Variants in URM1 observed in about 807,000 individuals in gnomAD.
URM1 encodes ubiquitin-related modifier 1.
Under a neutral mutation model 17.7 loss-of-function variants are expected in URM1, and 11 were observed. The ratio of observed to expected loss-of-function variants is 0.62; its 90% confidence interval spans 0.39 to 1.03. The LOEUF (loss-of-function observed/expected upper bound fraction) is 1.03, where lower values mean the gene tolerates loss of function less well. URM1 is among the 50% of genes least tolerant of loss of function. The pLI is 0.00. For synonymous variants in URM1, 48 were observed against 50.6 expected (o/e 0.95, Z 0.22); for missense variants, 128 against 129.2 (o/e 0.99, Z 0.04).
intron 2 of URM1, among the ~76,000 whole-genome samples, chr9:128,378,542 C>CAA (rs58676800): frequency 0.022 from 506 of 22,976 alleles, 47 homozygotes; most frequent in Middle Eastern, 0.045. Context: ...GACTCCATCT[C>CAA]AAAAAAAAAA....
chr9:128,380,333 G>C (rs1414115899), intron 2 of URM1, among the ~76,000 whole-genome samples: 1 of 152,112 alleles, frequency 6.6e-6, no homozygotes, highest in African/African-American at 2.4e-5. Context: ...GCTGGGGGGG[G>C]GACACTTACT....
intron 4 of URM1, 115 bp downstream of exon 4, chr9:128,389,424 T>G (rs769051492): frequency 1.9e-6 from 3 of 1,597,630 alleles, no homozygotes; most frequent in Non-Finnish European, 2.6e-6. Context: ...TCCGCCCCAC[T>G]CCAGCCCCAC....
rs542986107 is a variant in URM1, at chr9:128,387,423, C to T, written c.107-393C>T. Among the ~76,000 whole-genome samples the T allele has an allele frequency of 6.6e-6, 1 of 152,212 alleles. No individual in the cohort carries two copies. The highest frequency in any genetic ancestry group is 2.4e-5 in the African/African-American group (1 of 41,446). ...GCTGGAGAGATAAAGGTGGAGGGGG[C>T]TCTTCAAGGTCCTCTCAGAAGTCCA... is the stretch of plus-strand genomic sequence containing the variant. On this transcript the variant is annotated intron_variant, in intron 2 of 4. Transcript: ENST00000372853. This position sits in a 1 kb window ranked among gnomAD's most constrained non-coding sequence, Gnocchi z 4.3.
chr9:128,388,066 C>G, intron 3 of URM1, 169 bp downstream of exon 3: 21 of 1,360,200 alleles, frequency 1.5e-5, no homozygotes, highest in Non-Finnish European at 1.8e-5. Flanking sequence ...CTAAACCGAA[C>G]TCTTGAGGAT....
intron 2 of URM1, among the ~76,000 whole-genome samples, chr9:128,383,511 G>T (rs901266962): frequency 6.6e-6 from 1 of 152,186 alleles, no homozygotes; most frequent in African/African-American, 2.4e-5. Context: ...AGACTTAGGG[G>T]ATCCTTTCTT....
Position 128,387,265 on chromosome 9 carries a change from A to G in URM1, c.107-551A>G, listed in dbSNP as rs1833240433. Among the ~76,000 whole-genome samples, 2 of 152,242 alleles carry G rather than the reference A, an allele frequency of 1.3e-5. No individual in the cohort carries two copies. Among genetic ancestry groups the G allele is most frequent in the Non-Finnish European group, 2.9e-5 (2 of 68,036 alleles). Reference sequence around the variant, plus strand: ...ATTTGTCAGCATCCCTAGCTGGTGAATGATCCTTCTCTCCCTCTGCCAGAG... The same window carrying G: ...ATTTGTCAGCATCCCTAGCTGGTGAGTGATCCTTCTCTCCCTCTGCCAGAG... On this transcript the variant is annotated intron_variant, in intron 2 of 4. Transcript: ENST00000372853. The surrounding 1 kb of genome is among the most constrained non-coding windows in gnomAD (Gnocchi z 4.3).
chr9:128,377,876 A>T (rs1833097915), intron 1 of URM1, 160 bp from the exon 2 acceptor site: 1 of 673,442 alleles, frequency 1.5e-6, no homozygotes, highest in Admixed American at 2.9e-5. Flanking sequence ...AGAAAGGGGG[A>T]GAAAAAGAAT....
Position 128,383,517 on chromosome 9 carries a change from T to A in URM1, c.107-4299T>A, listed in dbSNP as rs370054149. On this transcript the variant is annotated intron_variant, in intron 2 of 4. Transcript: ENST00000372853. ...TGGAAGAGAAGACTTAGGGGATCCT[T>A]TCTTCCAAATCTGAAGGGCCATCCT... Among the ~76,000 whole-genome samples, 3 of 152,300 alleles carry A rather than the reference T, an allele frequency of 2.0e-5. No individual in the cohort carries two copies. In the South Asian group the frequency reaches 6.2e-4, roughly 32 times the overall value.
chr9:128,375,057 C>T (rs1303895481), intron 1 of URM1, among the ~76,000 whole-genome samples: 1 of 152,224 alleles, frequency 6.6e-6, no homozygotes, highest in Non-Finnish European at 1.5e-5. Flanking sequence ...GCCCCTGCCT[C>T]TCTAACCTTG....
At chr9:128,380,330 G>GT (rs1833142708) in intron 2 of URM1, among the ~76,000 whole-genome samples, 1 of 152,132 alleles carries the variant, frequency 6.6e-6, no homozygotes, top group Non-Finnish European at 1.5e-5. Context: ...GAGGCTGGGG[G>GT]GGGGACACTT....
Position 128,387,871 on chromosome 9 carries a change from A to G in URM1, c.162A>G (p.Pro54=). ...AGAAGAATTTGCTAAAAGAGCGGCCAGAGTTGTTCATCCAGGGAGACAGCG... is the reference window on the plus strand; with the variant it reads ...AGAAGAATTTGCTAAAAGAGCGGCCGGAGTTGTTCATCCAGGGAGACAGCG... ...WIKKNLLKER[P]ELFIQGDSVR... Residue 54 remains proline (P), a synonymous_variant, in exon 3 of 5, where the codon CCA becomes CCG. Coordinates refer to ENST00000372853, the MANE Select transcript of URM1 (RefSeq NM_030914.4). This position sits in a 1 kb window ranked among gnomAD's most constrained non-coding sequence, Gnocchi z 4.3. 1.2e-6 allele frequency: 2 copies of G among 1,614,144 alleles called. No homozygotes were observed. Among genetic ancestry groups the G allele is most frequent in the Non-Finnish European group, 1.7e-6 (2 of 1,180,024 alleles).
In URM1 at chr9:128,386,639, C is replaced by T. The variant is rs542215307; in HGVS notation, c.107-1177C>T. On this transcript the variant is annotated intron_variant, in intron 2 of 4. Coordinates refer to ENST00000372853, the MANE Select transcript of URM1 (RefSeq NM_030914.4). ...CTGCCCAAGGCTGGGGCCGTGTGTG[C>T]GTGCCACACTGTGGGCCCAGACAGG... Among the ~76,000 whole-genome samples, 468 of 152,350 alleles carry T rather than the reference C, an allele frequency of 3.1e-3. 2 individuals are homozygous for T. Among genetic ancestry groups the T allele is most frequent in the African/African-American group, 0.01 (426 of 41,582 alleles).
In URM1 at chr9:128,388,171, G is replaced by A. The variant is rs1030750974; in HGVS notation, c.188+274G>A. ...ACAGACTTGCTGTGGGACCTTAGGC[G>A]ACTTACTTCGCTTCTCTGGGCCTCA... On this transcript the variant is annotated intron_variant, in intron 3 of 4. Transcript: ENST00000372853. 35 of 1,243,658 alleles carry A rather than the reference G, an allele frequency of 2.8e-5. No individual in the cohort carries two copies. In the South Asian group the frequency reaches 3.0e-4, roughly 11 times the overall value. 77.0% of individuals were successfully genotyped at this position (1,243,658 alleles called of 1,614,324 possible). A position where few individuals can be genotyped will look rare whatever the true frequency, so the allele number is the denominator to read the frequency against.
rs1403827143 is a variant in URM1 at position 128,387,832 on chromosome 9, G to A, written c.123G>A (p.Leu41=). 5 of 1,614,054 alleles carry A rather than the reference G, an allele frequency of 3.1e-6. No individual in the cohort carries two copies. In the African/African-American group the frequency reaches 6.7e-5, roughly 22 times the overall value. Residue 41 remains leucine, a synonymous_variant, in exon 3 of 5, where the codon CTG becomes CTA. Coordinates refer to ENST00000372853, the MANE Select transcript of URM1 (RefSeq NM_030914.4). The surrounding 1 kb of genome is among the most constrained non-coding windows in gnomAD (Gnocchi z 4.3). ...CCTTTCCAGGGGACATCCGGAACCTGCTCATCTGGATCAAGAAGAATTTGC... is the reference window on the plus strand; with the variant it reads ...CCTTTCCAGGGGACATCCGGAACCTACTCATCTGGATCAAGAAGAATTTGC... The part of the protein sequence containing the change: ...GQEEPWDIRN[L]LIWIKKNLLK...
Position 128,389,878 on chromosome 9 carries a change from A to G in URM1, c.*144A>G, listed in dbSNP as rs972488657. On this transcript the variant is annotated 3_prime_UTR_variant, in exon 5 of 5. Coordinates refer to ENST00000372853, the MANE Select transcript of URM1 (RefSeq NM_030914.4). ...CCTAAGCTCCCTCCAGGCAGGGAAA[A>G]GAGGCCAGGTGCTAAAAATGAGCCT... The G allele has an allele frequency of 8.7e-7, 1 of 1,155,578 alleles. No homozygotes were observed. The highest frequency in any genetic ancestry group is 1.2e-6 in the Non-Finnish European group (1 of 832,184). The allele number at this position is 1,155,578 out of a possible 1,614,324, so 71.6% of individuals were successfully genotyped here.
At position 128,387,816 on chromosome 9, in the gene URM1, G is replaced by A; in HGVS notation, c.107G>A (p.Trp36Ter). 1.2e-6 allele frequency: 2 copies of A among 1,614,134 alleles called. No homozygotes were observed. The highest frequency in any genetic ancestry group is 1.7e-6 in the Non-Finnish European group (2 of 1,179,994). The change falls in exon 3 of 5, where the codon TGG becomes TAG. Residue 36 changes from tryptophan to a stop codon, truncating the protein, a stop_gained and splice_region_variant. Coordinates refer to ENST00000372853, the MANE Select transcript of URM1 (RefSeq NM_030914.4). LOFTEE classifies it high-confidence loss of function. This position sits in a 1 kb window ranked among gnomAD's most constrained non-coding sequence, Gnocchi z 4.3. ...RVTLPGQEEPWDIRNLLIWIK... is the reference protein window; with the variant it reads ...RVTLPGQEEP ...GTTTGTTCTGTGCATTCCTTTCCAG[G>A]GGACATCCGGAACCTGCTCATCTGG...
In URM1 at chr9:128,371,398, A is replaced by G. The variant is rs374100097; in HGVS notation, c.18A>G (p.Ser6=). Residue 6 remains serine, a synonymous_variant, in exon 1 of 5, where the codon TCA becomes TCG. Transcript: ENST00000372853. The part of the protein sequence containing the change: MAAPL[S]VEVEFGGGAE... The stretch of plus-strand genomic sequence containing the variant: ...TCCTCAACATGGCTGCGCCCTTGTC[A>G]GTGGAGGTGGAGTTCGGGTGAGTCA... The G allele has an allele frequency of 6.8e-6, 11 of 1,612,662 alleles. No homozygotes were observed. The highest frequency in any genetic ancestry group is 1.6e-4 in the Middle Eastern group (1 of 6,078).
chr9:128,379,544 A>G (rs536039773), intron 2 of URM1, among the ~76,000 whole-genome samples: 2 of 152,060 alleles, frequency 1.3e-5, no homozygotes, highest in South Asian at 4.1e-4. Flanking sequence ...TCACGCCTGT[A>G]ATCCCAGCAC....
At chr9:128,375,598 C>T (rs1031831776) in intron 1 of URM1, among the ~76,000 whole-genome samples, 13 of 152,010 alleles carry the variant, frequency 8.6e-5, no homozygotes, top group African/African-American at 1.9e-4. Context: ...CTCACTGTGT[C>T]GCCCAGGCTG....
Sources: gnomAD v4.1 joint callset for allele counts (sites outside exome capture counted in the v4.1 genomes callset) on GRCh38, gnomAD v4.1.1 for gene constraint, Gnocchi (gnomAD v3.1) non-coding constraint, MANE v1.5 for transcripts, NCBI Gene and HGNC (gene_info 2026-07-23, HGNC 2026-07-21) for gene names.